The following MTMR4 variants were observed in gnomAD, a reference collection of about 807,000 sequenced individuals.
MTMR4 encodes myotubularin related protein 4, also known as phosphatidylinositol-3,5-bisphosphate 3-phosphatase MTMR4.
Under a neutral mutation model 125.5 loss-of-function variants are expected in MTMR4, and 30 were observed. The observed-to-expected ratio is 0.24, with a 90% CI of 0.18 to 0.32. The LOEUF (loss-of-function observed/expected upper bound fraction) is 0.32. Among genes scored for constraint, MTMR4 ranks in the 10% least tolerant of loss-of-function variants. The probability of loss-of-function intolerance (pLI) is 1.00; values close to 1 mark genes in which losing one functional copy is unlikely to be tolerated. For synonymous variants in MTMR4, 498 were observed against 564.5 expected (o/e 0.88, Z 1.67); for missense variants, 1,039 against 1,511.5 (o/e 0.69, Z 5.18).
chr17:58,508,106 T>G lies in MTMR4; in HGVS notation c.707+55A>C. 7.3e-7 allele frequency: 1 copy of G among 1,375,288 alleles called. No homozygotes were observed. Among genetic ancestry groups the G allele is most frequent in the Middle Eastern group, 1.8e-4 (1 of 5,552 alleles). 85.2% of individuals were successfully genotyped at this position (1,375,288 alleles called of 1,614,324 possible). A position where few individuals can be genotyped will look rare whatever the true frequency, so the allele number is the denominator to read the frequency against. On this transcript the variant is annotated intron_variant, in intron 7 of 17. Transcript: ENST00000682306. This position sits in a 1 kb window ranked among gnomAD's most constrained non-coding sequence, Gnocchi z 4.8. The stretch of plus-strand genomic sequence containing the variant: ...GTTACCCAAAATCTCCAATTTTGAC[T>G]CTTTCCTTGTTGCATAAGAAATGGC...
chr17:58,502,448 G>A (rs1290282221), intron 14 of MTMR4, among the ~76,000 whole-genome samples: 6 of 151,132 alleles, frequency 4.0e-5, no homozygotes, highest in East Asian at 1.9e-4. Flanking sequence ...ATGAGCCACC[G>A]TGCCCAGCCT....
chr17:58,506,968 A>G, intron 8 of MTMR4, 97 bp from the exon 9 acceptor site: 1 of 1,558,474 alleles, frequency 6.4e-7, no homozygotes. Context: ...ACATGCAACT[A>G]GAGACCCCTC....
rs141377491 is a variant in MTMR4, at chr17:58,504,087, T to G, written c.1661A>C (p.Asn554Thr). The change falls in exon 13 of 18, where the codon AAC becomes ACC. Residue 554 changes from asparagine (N) to threonine (T), a missense_variant. Transcript: ENST00000682306. The surrounding 1 kb of genome is among the most constrained non-coding windows in gnomAD (Gnocchi z 7.1). ...VWALLRAGNKNFHNFLYTPSS... is the reference protein window; with the variant it reads ...VWALLRAGNKTFHNFLYTPSS... Reference sequence around the variant, plus strand: ...GGGTGTGTAGAGGAAGTTATGAAAGTTTTTATTGCCAGCTCGAAGGAGCGC... The same window carrying G: ...GGGTGTGTAGAGGAAGTTATGAAAGGTTTTATTGCCAGCTCGAAGGAGCGC... 1,129 of 1,580,302 alleles carry G rather than the reference T, an allele frequency of 7.1e-4. No individual in the cohort carries two copies. The highest frequency in any genetic ancestry group is 8.9e-4 in the Non-Finnish European group (1,033 of 1,165,086).
intron 4 of MTMR4, chr17:58,510,957 A>G (rs1975913952): frequency 6.6e-6 from 1 of 151,828 alleles, no homozygotes; most frequent in African/African-American, 2.4e-5. Context: ...ACTTACTATC[A>G]TTTCACAAAT....
Position 58,514,395 on chromosome 17 carries a change from C to T in MTMR4, c.13G>A (p.Ala5Thr), listed in dbSNP as rs1976026751. ...CTAAGCATGGAGCAGGAGACGCGGGCGGTCAGGCTCATGGTCGCGGGCGGT... is the reference window on the plus strand; with the variant it reads ...CTAAGCATGGAGCAGGAGACGCGGGTGGTCAGGCTCATGGTCGCGGGCGGT... MSLTARVSCSMLSCF... is the reference protein window; with the variant it reads MSLTTRVSCSMLSCF... Residue 5 changes from alanine (A) to threonine (T), a missense_variant, in exon 1 of 18, where the codon GCC becomes ACC. Physicochemically the swap from Ala to Thr is moderately conservative, Grantham distance 58 (BLOSUM62 0). Coordinates refer to ENST00000682306, the MANE Select transcript of MTMR4 (RefSeq NM_001378067.1). 1 of 986,680 alleles carries T rather than the reference C, an allele frequency of 1.0e-6. No homozygotes were observed. The highest frequency in any genetic ancestry group is 1.2e-6 in the Non-Finnish European group (1 of 830,226). The allele number at this position is 986,680 out of a possible 1,614,324, so 61.1% of individuals were successfully genotyped here.
At position 58,492,965 on chromosome 17, in the gene MTMR4, CA is replaced by C. The variant is rs1287608271; in HGVS notation, c.3253-14del. On this transcript the variant is annotated splice_polypyrimidine_tract_variant and intron_variant, in intron 15 of 17. Transcript: ENST00000682306. The stretch of plus-strand genomic sequence containing the variant: ...CCTTCAAACATGTCTGATGAAAAGG[CA>C]AAGACAACAAATTATCTTCATCATC... 16 of 1,597,310 alleles carry C rather than the reference CA, an allele frequency of 1.0e-5. No individual in the cohort carries two copies. The highest frequency in any genetic ancestry group is 1.4e-5 in the Non-Finnish European group (16 of 1,164,836).
chr17:58,507,008 C>A (rs1975794214), intron 8 of MTMR4, 115 bp downstream of exon 8: 4 of 1,551,380 alleles, frequency 2.6e-6, no homozygotes, highest in Non-Finnish European at 3.5e-6. Flanking sequence ...AAGGCAGGGA[C>A]CCCAGCACCC....
chr17:58,496,258 G>C lies in MTMR4; in HGVS notation c.1926C>G (p.Ser642=). ...CDTSSPLTRT[S]SDPNLNNHCQ... ...AGTGGTTATTCAGGTTAGGGTCACTGGATGTACGAGTCAGGGGGCTGCTTG... is the reference window on the plus strand; with the variant it reads ...AGTGGTTATTCAGGTTAGGGTCACTCGATGTACGAGTCAGGGGGCTGCTTG... The change falls in exon 15 of 18, where the codon TCC becomes TCG. Residue 642 remains serine (S), a synonymous_variant. Transcript: ENST00000682306. 6.2e-7 allele frequency: 1 copy of C among 1,614,128 alleles called. No individual in the cohort carries two copies. The highest frequency in any genetic ancestry group is 8.5e-7 in the Non-Finnish European group (1 of 1,180,020).
In MTMR4 at chr17:58,495,158, G is replaced by T; in HGVS notation, c.3026C>A (p.Pro1009His). 1 of 1,614,232 alleles carries T rather than the reference G, an allele frequency of 6.2e-7. No homozygotes were observed. Among genetic ancestry groups the T allele is most frequent in the Non-Finnish European group, 8.5e-7 (1 of 1,180,044 alleles). ...TGGAGAAGGGCAGTTCAGTGGAACGGGCTTTGTGCTAGAGACTTGCTTTGG... is the reference window on the plus strand; with the variant it reads ...TGGAGAAGGGCAGTTCAGTGGAACGTGCTTTGTGCTAGAGACTTGCTTTGG... Reference protein sequence around the residue: ...SHPKQVSSTKPVPLNCPSPVP... With the variant: ...SHPKQVSSTKHVPLNCPSPVP... The change falls in exon 15 of 18, where the codon CCC becomes CAC. Residue 1009 changes from proline (P) to histidine (H), a missense_variant. Coordinates refer to ENST00000682306, the MANE Select transcript of MTMR4 (RefSeq NM_001378067.1).
In MTMR4 at chr17:58,504,330, G is replaced by A; in HGVS notation, c.1500C>T (p.Cys500=). The A allele has an allele frequency of 6.2e-7, 1 of 1,614,030 alleles. No homozygotes were observed. The highest frequency in any genetic ancestry group is 1.3e-5 in the African/African-American group (1 of 75,030). The change falls in exon 12 of 18, where the codon TGC becomes TGT. Residue 500 remains cysteine, a synonymous_variant. Transcript: ENST00000682306. The surrounding 1 kb of genome is among the most constrained non-coding windows in gnomAD (Gnocchi z 7.1). The stretch of plus-strand genomic sequence containing the variant: ...GGAATGCTTCATTAAATTCAAACAG[G>A]CAGGGGAACTGCTTAAGCAACTGAT... ...SVHQLLKQFP[C]LFEFNEAFLV...
In MTMR4 at chr17:58,504,492, C is replaced by A; in HGVS notation, c.1342-4G>T. 2 of 1,605,544 alleles carry A rather than the reference C, an allele frequency of 1.2e-6. No homozygotes were observed. The highest frequency in any genetic ancestry group is 1.7e-6 in the Non-Finnish European group (2 of 1,176,338). On this transcript the variant is annotated splice_polypyrimidine_tract_variant and splice_region_variant and intron_variant, in intron 11 of 17. Transcript: ENST00000682306. This position sits in a 1 kb window ranked among gnomAD's most constrained non-coding sequence, Gnocchi z 7.1. ...ACTCCACTAACACTTGGAAGCCCTG[C>A]AAAAAAAGAAACTGTTCAAACATAG... is the stretch of plus-strand genomic sequence containing the variant.
chr17:58,504,726 C>G lies in MTMR4; in HGVS notation c.1341+53G>C. The G allele has an allele frequency of 6.5e-7, 1 of 1,546,934 alleles. No homozygotes were observed. The highest frequency in any genetic ancestry group is 8.8e-7 in the Non-Finnish European group (1 of 1,137,972). ...CAGGACAGATCCAGAGGGCTCAACA[C>G]CTTCCCTCCTGCCACATTCCTTCTG... On this transcript the variant is annotated intron_variant, in intron 11 of 17. Coordinates refer to ENST00000682306, the MANE Select transcript of MTMR4 (RefSeq NM_001378067.1). The surrounding 1 kb of genome is among the most constrained non-coding windows in gnomAD (Gnocchi z 7.1).
At position 58,504,917 on chromosome 17, in the gene MTMR4, T is replaced by G; in HGVS notation, c.1203A>C (p.Lys401Asn). 1 of 1,614,080 alleles carries G rather than the reference T, an allele frequency of 6.2e-7. No individual in the cohort carries two copies. Among genetic ancestry groups the G allele is most frequent in the Non-Finnish European group, 8.5e-7 (1 of 1,179,968 alleles). ...CTGTATTAGCCACCAGCACAGCTGC[T>G]TTTAGCATCACCGACAAGTGCTGCA... is the stretch of plus-strand genomic sequence containing the variant. ...KWLQHLSVML[K>N]AAVLVANTVD... The change falls in exon 11 of 18, where the codon AAA becomes AAC. Residue 401 changes from lysine (K) to asparagine (N), a missense_variant. Lys to Asn is a moderately conservative substitution (Grantham distance 94). Transcript: ENST00000682306. This position sits in a 1 kb window ranked among gnomAD's most constrained non-coding sequence, Gnocchi z 7.1.
At chr17:58,497,803 CCAGGGTCCACCCAAGACCT>C (rs1427320696) in intron 14 of MTMR4, among the ~76,000 whole-genome samples, 1 of 152,094 alleles carries the variant, frequency 6.6e-6, no homozygotes, top group Non-Finnish European at 1.5e-5. Flanking sequence ...ATCCAGACAA[CCAGGGTCCACCCAAGACCT>C]ACTGAATAAG....
At chr17:58,503,666 G>GAA (rs533184119) in intron 14 of MTMR4, 78 bp downstream of exon 14, 17,834 of 1,474,152 alleles carry the variant, frequency 0.012, 153 homozygotes, top group South Asian at 0.023. Context: ...AAGAAAGAAA[G>GAA]AGAACATTTA....
In MTMR4 at chr17:58,508,859, A is replaced by G. The variant is rs1479701894; in HGVS notation, c.336-18T>C. ...AGTGGCACCTGCCAGGCAAGAAGCC[A>G]CAGGCCTAGGTGAGGCAAAGTGCAG... On this transcript the variant is annotated intron_variant, in intron 4 of 17. Coordinates refer to ENST00000682306, the MANE Select transcript of MTMR4 (RefSeq NM_001378067.1). This position sits in a 1 kb window ranked among gnomAD's most constrained non-coding sequence, Gnocchi z 4.8. 2 of 1,610,230 alleles carry G rather than the reference A, an allele frequency of 1.2e-6. No individual in the cohort carries two copies. Among genetic ancestry groups the G allele is most frequent in the Non-Finnish European group, 8.5e-7 (1 of 1,176,956 alleles).
At chr17:58,506,699 C>A (rs1975786690) in intron 9 of MTMR4, 44 bp downstream of exon 9, 2 of 1,603,370 alleles carry the variant, frequency 1.2e-6, no homozygotes, top group African/African-American at 2.7e-5. Context: ...ACCAAAGCCA[C>A]CCAGAGCACA....
In MTMR4 at chr17:58,503,312, C is replaced by A. The variant is rs142744151; in HGVS notation, c.1853+432G>T. On this transcript the variant is annotated intron_variant, in intron 14 of 17. Coordinates refer to ENST00000682306, the MANE Select transcript of MTMR4 (RefSeq NM_001378067.1). ...ACTCCAGGCTAGCTACAAGTCTTGGCCAAGTTTTTCCTGCAAATGACTCAA... is the reference window on the plus strand; with the variant it reads ...ACTCCAGGCTAGCTACAAGTCTTGGACAAGTTTTTCCTGCAAATGACTCAA... Among the ~76,000 whole-genome samples, 887 of 152,226 alleles carry A rather than the reference C, an allele frequency of 5.8e-3. 6 individuals carry two copies. The highest frequency in any genetic ancestry group is 9.4e-3 in the African/African-American group (389 of 41,530).
At chr17:58,492,748 G>A in intron 16 of MTMR4, 94 bp downstream of exon 16, 1 of 1,348,876 alleles carries the variant, frequency 7.4e-7, no homozygotes, top group Admixed American at 1.7e-5. Flanking sequence ...CTCCTCTGGG[G>A]GACAGCTCAG....
Sources: gnomAD v4.1 joint callset for allele counts (sites outside exome capture counted in the v4.1 genomes callset) on GRCh38, gnomAD v4.1.1 for gene constraint, Gnocchi (gnomAD v3.1) non-coding constraint, MANE v1.5 for transcripts, NCBI Gene and HGNC (gene_info 2026-07-23, HGNC 2026-07-21) for gene names.